The following ART1 variants were observed in gnomAD, a reference collection of about 807,000 sequenced individuals.
ART1 encodes the protein ADP-ribosyltransferase 1, also known as GPI-linked NAD(P)(+)--arginine ADP-ribosyltransferase 1.
A neutral mutation model predicts 27.0 loss-of-function variants in ART1; 29 were observed. The observed-to-expected ratio is 1.08, with a 90% CI of 0.80 to 1.47. ART1 has a LOEUF of 1.47. ART1 is among the 40% of genes most tolerant of loss of function. The pLI is 0.00. For synonymous variants in ART1, 201 were observed against 172.2 expected, an observed-to-expected ratio of 1.17 and a Z score of -1.31; for missense variants, 480 against 423.0, an observed-to-expected ratio of 1.13 and a Z score of -1.18.
chr11:3,653,332 A>G (rs903563934), intron 1 of ART1, among the ~76,000 whole-genome samples: 1 of 148,472 alleles, frequency 6.7e-6, no homozygotes, highest in Admixed American at 6.6e-5. Flanking sequence ...CCACCACAAA[A>G]GAAGTGAAAA....
intron 1 of ART1, among the ~76,000 whole-genome samples, chr11:3,651,314 G>C (rs1335398763): frequency 6.6e-6 from 1 of 151,014 alleles, no homozygotes; most frequent in Non-Finnish European, 1.5e-5. Flanking sequence ...AGGCTTCACA[G>C]ACAGCCCCCA....
intron 1 of ART1, among the ~76,000 whole-genome samples, chr11:3,650,585 A>G (rs2077513135): frequency 6.6e-6 from 1 of 152,088 alleles, no homozygotes; most frequent in Non-Finnish European, 1.5e-5. Context: ...TGTTGTGGGT[A>G]TTGACAGCCA....
At chr11:3,645,330 G>A (rs1319096525) in intron 1 of ART1, among the ~76,000 whole-genome samples, 151 bp downstream of exon 1, 2 of 152,148 alleles carry the variant, frequency 1.3e-5, no homozygotes, top group African/African-American at 2.4e-5. Flanking sequence ...AAGGTTGGGA[G>A]CCATGGGAAG....
intron 1 of ART1, among the ~76,000 whole-genome samples, chr11:3,654,988 T>C (rs12295454): frequency 0.19 from 28,802 of 152,154 alleles, 3,584 homozygotes; most frequent in African/African-American, 0.35. Flanking sequence ...GCTGCATAAC[T>C]ATTTTGCCGT....
chr11:3,656,813 A>T (rs575553655), intron 1 of ART1, among the ~76,000 whole-genome samples: 255 of 152,194 alleles, frequency 1.7e-3, no homozygotes, highest in Non-Finnish European at 3.1e-3. Context: ...TTTTATCCTT[A>T]ATGCCTGACA....
At chr11:3,649,478 T>C (rs1291190403) in intron 1 of ART1, among the ~76,000 whole-genome samples, 1 of 152,174 alleles carries the variant, frequency 6.6e-6, no homozygotes, top group East Asian at 1.9e-4. Context: ...ATCTTCCTTC[T>C]TTCCCTCCCG....
chr11:3,661,487 G>GAT, intron 4 of ART1, 74 bp downstream of exon 4: 39 of 497,506 alleles, frequency 7.8e-5, no homozygotes, highest in Non-Finnish European at 1.2e-4. Context: ...CCATCACCTC[G>GAT]ATCTTTTTTT....
At chr11:3,647,345 A>C (rs926964946) in intron 1 of ART1, among the ~76,000 whole-genome samples, 8 of 150,618 alleles carry the variant, frequency 5.3e-5, no homozygotes, top group African/African-American at 1.5e-4. Flanking sequence ...AAAACAAAAA[A>C]AAAAACGAGG....
chr11:3,653,665 C>A (rs541801302), intron 1 of ART1, among the ~76,000 whole-genome samples: 7 of 152,132 alleles, frequency 4.6e-5, no homozygotes, highest in Admixed American at 4.6e-4. Context: ...TTTTTTAAAT[C>A]TACTCCGCTT....
At chr11:3,660,453 T>G (rs1304927293) in intron 3 of ART1, 90 bp downstream of exon 3, 1 of 1,419,006 alleles carries the variant, frequency 7.0e-7, no homozygotes, top group Non-Finnish European at 9.5e-7. Flanking sequence ...CCCTATCTCC[T>G]GTGTCCCAGG....
At chr11:3,655,296 C>G (rs2077563850) in intron 1 of ART1, among the ~76,000 whole-genome samples, 1 of 149,464 alleles carries the variant, frequency 6.7e-6, no homozygotes, top group Admixed American at 7.0e-5. Flanking sequence ...AAAGTGATCC[C>G]AAGAAATACA....
At chr11:3,658,552 C>T (rs891380162) in intron 1 of ART1, among the ~76,000 whole-genome samples, 18 of 152,014 alleles carry the variant, frequency 1.2e-4, no homozygotes, top group African/African-American at 3.9e-4. Flanking sequence ...CCCCAGCACC[C>T]GGGGTTTATA....
intron 1 of ART1, among the ~76,000 whole-genome samples, chr11:3,656,213 C>T (rs774530311): frequency 2.6e-5 from 4 of 151,862 alleles, no homozygotes; most frequent in Admixed American, 6.6e-5. Context: ...GGATTACAAG[C>T]GTGAGCCACC....
In ART1 at chr11:3,659,893, G is replaced by A. The variant is rs550030209; in HGVS notation, c.374G>A (p.Ser125Asn). The change falls in exon 3 of 5, where the codon AGC becomes AAC. Residue 125 changes from serine (S) to asparagine (N), a missense_variant. Physicochemically the swap from Ser to Asn is conservative, Grantham distance 46. Coordinates refer to ENST00000250693, the MANE Select transcript of ART1 (RefSeq NM_004314.3). ...GCCCTCCTGGCCTACACAGCCAACA[G>A]CCCCCTGCACAAGGAGTTCAATGCA... ...GVALLAYTAN[S>N]PLHKEFNAAV... The A allele has an allele frequency of 1.7e-5, 28 of 1,612,682 alleles. 2 individuals are homozygous for A. The South Asian group carries it at 2.6e-4, about 15-fold the overall frequency.
At chr11:3,655,037 C>G (rs929072987) in intron 1 of ART1, among the ~76,000 whole-genome samples, 1 of 152,208 alleles carries the variant, frequency 6.6e-6, no homozygotes, top group Non-Finnish European at 1.5e-5. Context: ...CATTTACTCC[C>G]AGGCTCATGG....
At chr11:3,650,204 T>C (rs2077508618) in intron 1 of ART1, among the ~76,000 whole-genome samples, 1 of 152,190 alleles carries the variant, frequency 6.6e-6, no homozygotes, top group Non-Finnish European at 1.5e-5. Context: ...CCCAGGAGCT[T>C]GCTACAAGTG....
At chr11:3,647,312 C>T (rs1288158640) in intron 1 of ART1, among the ~76,000 whole-genome samples, 1 of 136,250 alleles carries the variant, frequency 7.3e-6, no homozygotes, top group Non-Finnish European at 1.6e-5. Context: ...ACGAGCAAAA[C>T]TCCGTCTCAA....
chr11:3,645,404 G>A (rs796981044), intron 1 of ART1, among the ~76,000 whole-genome samples: 80 of 152,284 alleles, frequency 5.3e-4, no homozygotes, highest in African/African-American at 1.9e-3. Context: ...GCAAGGGCCT[G>A]GATGAGAAAC....
At chr11:3,658,008 T>C (rs971273650) in intron 1 of ART1, among the ~76,000 whole-genome samples, 8 of 152,050 alleles carry the variant, frequency 5.3e-5, no homozygotes, top group African/African-American at 1.7e-4. Flanking sequence ...AAAATGTGTA[T>C]GTGTAAGCAT....
Sources: allele counts gnomAD v4.1 joint callset (sites outside exome capture counted in the v4.1 genomes callset), GRCh38; gene constraint gnomAD v4.1.1; transcripts MANE v1.5; gene names NCBI Gene and HGNC (gene_info 2026-07-23, HGNC 2026-07-21).